BBS12: variants seen among roughly 807,000 people sequenced by gnomAD.
BBS12 encodes the protein chaperonin-containing T-complex member BBS12.
BBS12 carries 5 observed loss-of-function variants against 5.6 expected under a neutral mutation model. The ratio of observed to expected loss-of-function variants is 0.89; its 90% CI spans 0.46 to 1.86. The LOEUF is 1.86. BBS12 is among the 40% of genes most tolerant of loss of function. BBS12 has a pLI of 0.01. For missense variants in BBS12, 748 were observed against 830.4 expected (o/e 0.90, Z 1.22); for synonymous variants, 308 against 306.8 (o/e 1.00, Z -0.04).
chr4:122,728,917 G>A (rs1349651057), upstream of BBS12: 1 of 152,232 alleles, frequency 6.6e-6, no homozygotes, highest in Non-Finnish European at 1.5e-5. Context: ...TATTTGTCAG[G>A]AGCAGAAGTC....
At position 122,743,744 on chromosome 4, in the gene BBS12, T is replaced by C; in HGVS notation, c.1852T>C (p.Tyr618His). Residue 618 changes from tyrosine to histidine, a missense_variant, in exon 2 of 2, where the codon TAC becomes CAC. Tyr to His is a moderately conservative substitution (Grantham distance 83, BLOSUM62 2). Transcript: ENST00000314218. The part of the protein sequence containing the change: ...NYSSEFEAST[Y>H]IQHHLQNATD... ...CTCATCAGAATTTGAAGCCAGCACA[T>C]ACATTCAACATCATCTGCAAAATGC... The C allele has an allele frequency of 6.2e-7, 1 of 1,614,218 alleles. No individual in the cohort carries two copies. The highest frequency in any genetic ancestry group is 8.5e-7 in the Non-Finnish European group (1 of 1,180,040).
chr4:122,707,748 C>T, the BBS12 span, among the ~76,000 whole-genome samples: 1 of 152,050 alleles, frequency 6.6e-6, no homozygotes, highest in Non-Finnish European at 1.5e-5. Context: ...AGTAGAAGGC[C>T]GACTTCTCCT....
the BBS12 span, among the ~76,000 whole-genome samples, chr4:122,727,229 C>T: frequency 6.6e-6 from 1 of 152,122 alleles, no homozygotes; most frequent in African/African-American, 2.4e-5. Flanking sequence ...AATGCTCTTA[C>T]AAACCAGTGA....
chr4:122,719,671 C>A, the BBS12 span, among the ~76,000 whole-genome samples: 27 of 152,270 alleles, frequency 1.8e-4, no homozygotes, highest in East Asian at 5.2e-3. Flanking sequence ...CAATTCCCGA[C>A]ACAAGACTAT....
intron 1 of BBS12, among the ~76,000 whole-genome samples, chr4:122,735,787 AAG>A (rs1158540841): frequency 6.6e-6 from 1 of 152,192 alleles, no homozygotes; most frequent in Non-Finnish European, 1.5e-5. Context: ...ATTACATTCT[AAG>A]AGAGAGATGT....
intron 1 of BBS12, among the ~76,000 whole-genome samples, chr4:122,737,893 C>G (rs1800807282): frequency 6.6e-6 from 1 of 152,128 alleles, no homozygotes; most frequent in South Asian, 2.1e-4. Flanking sequence ...TGATTTTTGA[C>G]AAAGATGCTA....
At chr4:122,718,367 C>T in the BBS12 span, among the ~76,000 whole-genome samples, 1 of 152,112 alleles carries the variant, frequency 6.6e-6, no homozygotes, top group African/African-American at 2.4e-5. Context: ...ATTTATTTTC[C>T]TAAAAATAAT....
At chr4:122,739,429 G>A (rs1368894215) in intron 1 of BBS12, among the ~76,000 whole-genome samples, 2 of 152,220 alleles carry the variant, frequency 1.3e-5, no homozygotes, top group Non-Finnish European at 2.9e-5. Flanking sequence ...TATAGGAAAT[G>A]TGAGTCAGGC....
chr4:122,741,524 C>T (rs1422704456), intron 1 of BBS12, among the ~76,000 whole-genome samples: 1 of 152,232 alleles, frequency 6.6e-6, no homozygotes, highest in African/African-American at 2.4e-5. Context: ...AACCAGGCTA[C>T]TTCTATTTCC....
At chr4:122,714,637 TAAATATATAC>T in the BBS12 span, among the ~76,000 whole-genome samples, 33 of 151,616 alleles carry the variant, frequency 2.2e-4, no homozygotes, top group Middle Eastern at 3.4e-3. Flanking sequence ...TAAATATATA[TAAATATATAC>T]ACACACACAC....
chr4:122,737,302 C>T (rs1445183709), intron 1 of BBS12, among the ~76,000 whole-genome samples: 2 of 152,168 alleles, frequency 1.3e-5, no homozygotes, highest in African/African-American at 4.8e-5. Context: ...GAATTACTAT[C>T]ATACTGGGCA....
chr4:122,741,880 C>T lies in BBS12; in HGVS notation c.-10-3C>T, dbSNP rs764670679. The T allele has an allele frequency of 6.2e-6, 10 of 1,610,986 alleles. No individual in the cohort carries two copies. In the Admixed American group the frequency reaches 1.7e-4, roughly 27 times the overall value. ...AAGTTACAAGTTTTTATTTTGTTTG[C>T]AGATCATGATACATGGTGATGGCTT... On this transcript the variant is annotated splice_polypyrimidine_tract_variant and splice_region_variant and intron_variant, in intron 1 of 1. Coordinates refer to ENST00000314218, the MANE Select transcript of BBS12 (RefSeq NM_152618.3).
chr4:122,717,799 A>G, the BBS12 span, among the ~76,000 whole-genome samples: 1 of 152,180 alleles, frequency 6.6e-6, no homozygotes, highest in Non-Finnish European at 1.5e-5. Context: ...TGCTGGGATT[A>G]CAGGCATGAG....
At chr4:122,715,838 T>C in the BBS12 span, among the ~76,000 whole-genome samples, 2 of 152,248 alleles carry the variant, frequency 1.3e-5, no homozygotes, top group Non-Finnish European at 2.9e-5. Flanking sequence ...CATAATTTAC[T>C]TTGACTTGGG....
rs180723721 is a variant in BBS12, at chr4:122,742,223, A to G, written c.331A>G (p.Ile111Val). The change falls in exon 2 of 2, where the codon ATA (isoleucine) becomes GTA (valine). Residue 111 changes from isoleucine (I) to valine (V), a missense_variant. Ile to Val is a conservative substitution (Grantham distance 29). Transcript: ENST00000314218. ...TCTTCATCTTGGTGTCCCCATTTCC[A>G]TAATAGTATCAGTAATGTCAGAAGG... The part of the protein sequence containing the change: ...ECLHLGVPIS[I>V]IVSVMSEGLN... The G allele has an allele frequency of 1.2e-6, 2 of 1,613,888 alleles. No homozygotes were observed. The highest frequency in any genetic ancestry group is 1.7e-5 in the Admixed American group (1 of 60,028).
the BBS12 span, among the ~76,000 whole-genome samples, chr4:122,702,610 G>T: frequency 6.6e-6 from 1 of 152,216 alleles, no homozygotes; most frequent in Non-Finnish European, 1.5e-5. Flanking sequence ...AACTGGGCCT[G>T]CCTGGAATAG....
chr4:122,703,203 T>G, the BBS12 span, among the ~76,000 whole-genome samples: 3 of 152,054 alleles, frequency 2.0e-5, no homozygotes, highest in African/African-American at 7.2e-5. Context: ...CTTTCCTAAG[T>G]GGGCAGAATT....
chr4:122,726,977 CA>C, the BBS12 span, among the ~76,000 whole-genome samples: 1 of 151,986 alleles, frequency 6.6e-6, no homozygotes, highest in Non-Finnish European at 1.5e-5. Flanking sequence ...GGGTGAGAAA[CA>C]AAAAACTACA....
At chr4:122,706,311 C>T in the BBS12 span, among the ~76,000 whole-genome samples, 14 of 152,176 alleles carry the variant, frequency 9.2e-5, no homozygotes, top group Admixed American at 4.6e-4. Context: ...TAGTCTCAGG[C>T]CTAAGACGAA....
Sources: gnomAD v4.1 joint callset for allele counts (sites outside exome capture counted in the v4.1 genomes callset) on GRCh38, gnomAD v4.1.1 for gene constraint, MANE v1.5 for transcripts, NCBI Gene and HGNC (gene_info 2026-07-23, HGNC 2026-07-21) for gene names.